Variants in PAN2 observed in about 807,000 individuals in gnomAD.
The protein encoded by PAN2 is PAN2-PAN3 deadenylation complex catalytic subunit PAN2.
PAN2 carries 68 observed loss-of-function variants against 133.3 expected under a neutral mutation model. The ratio of observed to expected loss-of-function variants is 0.51; its 90% confidence interval spans 0.42 to 0.62. The LOEUF (loss-of-function observed/expected upper bound fraction) is 0.62, where lower values mean the gene tolerates loss of function less well. Among genes scored for constraint, PAN2 ranks in the 20% least tolerant of loss-of-function variants. The pLI, the probability that PAN2 is intolerant of heterozygous loss-of-function variation, is 0.00. For synonymous variants in PAN2, 462 were observed against 544.6 expected, an observed-to-expected ratio of 0.85 and a Z score of 2.11; for missense variants, 1,042 against 1,500.5, an observed-to-expected ratio of 0.69 and a Z score of 5.05.
At chr12:56,325,227 G>A (rs1874981377) in intron 9 of PAN2, 99 bp from the exon 10 acceptor site, 1 of 1,579,672 alleles carries the variant, frequency 6.3e-7, no homozygotes, top group Non-Finnish European at 8.6e-7. Context: ...CCTGGGTCCA[G>A]GGTGGTAGTT....
In PAN2 at chr12:56,317,470, A is replaced by T. The variant is rs768215794; in HGVS notation, c.*139T>A. ...TCTGCTGTGTTCCAGTTCAATTAAT[A>T]GCACCATCTGTGACCCTAGACCCTG... On this transcript the variant is annotated 3_prime_UTR_variant, in exon 26 of 26. Coordinates refer to ENST00000440411, the MANE Select transcript of PAN2 (RefSeq NM_014871.6). The T allele has an allele frequency of 1.4e-6, 1 of 694,712 alleles. No individual in the cohort carries two copies. The highest frequency in any genetic ancestry group is 2.6e-6 in the Non-Finnish European group (1 of 385,688). 43.0% of individuals were successfully genotyped at this position (694,712 alleles called of 1,614,324 possible).
At position 56,322,670 on chromosome 12, in the gene PAN2, C is replaced by A; in HGVS notation, c.2582G>T (p.Gly861Val). 5 of 1,614,208 alleles carry A rather than the reference C, an allele frequency of 3.1e-6. No individual in the cohort carries two copies. The highest frequency in any genetic ancestry group is 4.2e-6 in the Non-Finnish European group (5 of 1,180,054). ...TTTGATGTGAGCCACCAGGCTGCCC[C>A]CTGTGCGTGAGTCCAGGATGTGTAC... ...TVVHILDSRT[G>V]GSLVAHIKVG... Residue 861 changes from glycine to valine, a missense_variant, in exon 18 of 26, where the codon GGG (glycine) becomes GTG (valine). By Grantham distance (109) the Gly-to-Val change is moderately radical (BLOSUM62 -3). Transcript: ENST00000440411.
chr12:56,321,933 G>A, intron 20 of PAN2, 145 bp downstream of exon 20: 2 of 537,022 alleles, frequency 3.7e-6, no homozygotes, highest in Non-Finnish European at 6.8e-6. Flanking sequence ...TAAATTTAAG[G>A]TCTGATGAGC....
In PAN2 at chr12:56,324,056, G is replaced by C. The variant is rs1409342281; in HGVS notation, c.2058C>G (p.Tyr686Ter). Residue 686 changes from tyrosine to a stop codon, truncating the protein, a stop_gained, in exon 13 of 26, where the codon TAC becomes TAG. Coordinates refer to ENST00000440411, the MANE Select transcript of PAN2 (RefSeq NM_014871.6). LOFTEE classifies it high-confidence loss of function. ...GTATACCACTTTTGCTACCATCAGGGTAGGAGAGTGTGAAAAGCAGAGTGG... is the reference window on the plus strand; with the variant it reads ...GTATACCACTTTTGCTACCATCAGGCTAGGAGAGTGTGAAAAGCAGAGTGG... ...ASSTLLFTLS[Y>*]PDDKTGKNYD... The C allele has an allele frequency of 2.5e-6, 4 of 1,614,240 alleles. No individual in the cohort carries two copies. Among genetic ancestry groups the C allele is most frequent in the Non-Finnish European group, 3.4e-6 (4 of 1,180,040 alleles).
Position 56,319,277 on chromosome 12 carries a change from C to A in PAN2, c.3270+31G>T. 6.2e-7 allele frequency: 1 copy of A among 1,611,542 alleles called. No homozygotes were observed. The highest frequency in any genetic ancestry group is 8.5e-7 in the Non-Finnish European group (1 of 1,178,560). ...GTATACCCTGAGGGGCCCACTCTCA[C>A]AAGAAGACTCTTAAAAGAGCCCTGC... On this transcript the variant is annotated intron_variant, in intron 23 of 25. Transcript: ENST00000440411. The surrounding 1 kb of genome is among the most constrained non-coding windows in gnomAD (Gnocchi z 5.4).
At position 56,323,412 on chromosome 12, in the gene PAN2, C is replaced by T. The variant is rs540927852; in HGVS notation, c.2272-28G>A. 11 of 1,611,286 alleles carry T rather than the reference C, an allele frequency of 6.8e-6. No homozygotes were observed. In the South Asian group the frequency reaches 1.1e-4, roughly 16 times the overall value. On this transcript the variant is annotated intron_variant, in intron 15 of 25. Transcript: ENST00000440411. ...GAACACAGAAGAAAAACATCCAGTT[C>T]TTCAGGAATGTAATCATATATGGAG...
Position 56,325,374 on chromosome 12 carries a change from C to T in PAN2, c.1440G>A (p.Glu480=), listed in dbSNP as rs1167482712. ...QVTESPVGRE[E]EPHLHMVSKK... The stretch of plus-strand genomic sequence containing the variant: ...TAGAAACCATGTGGAGATGTGGTTC[C>T]TCTTCTCGTCCTACTGGTGACTCAG... Residue 480 remains glutamate, a synonymous_variant, in exon 9 of 26, where the codon GAG becomes GAA. Transcript: ENST00000440411. 5.0e-6 allele frequency: 8 copies of T among 1,614,086 alleles called. No individual in the cohort carries two copies. Among genetic ancestry groups the T allele is most frequent in the Non-Finnish European group, 6.8e-6 (8 of 1,180,028 alleles).
At position 56,325,376 on chromosome 12, in the gene PAN2, C is replaced by T. The variant is rs764602094; in HGVS notation, c.1438G>A (p.Glu480Lys). 12 of 1,614,112 alleles carry T rather than the reference C, an allele frequency of 7.4e-6. No homozygotes were observed. The highest frequency in any genetic ancestry group is 5.3e-5 in the African/African-American group (4 of 74,934). The change falls in exon 9 of 26, where the codon GAG (glutamate) becomes AAG (lysine). Residue 480 changes from glutamate (E) to lysine (K), a missense_variant. Physicochemically the swap from Glu to Lys is moderately conservative, Grantham distance 56 (BLOSUM62 1). This residue lies in a region of PAN2 where 908 missense variants were observed against 1,223.5 expected (regional missense o/e 0.74). Transcript: ENST00000440411. ...QVTESPVGRE[E>K]EPHLHMVSKK... Reference sequence around the variant, plus strand: ...GAAACCATGTGGAGATGTGGTTCCTCTTCTCGTCCTACTGGTGACTCAGTG... The same window carrying T: ...GAAACCATGTGGAGATGTGGTTCCTTTTCTCGTCCTACTGGTGACTCAGTG...
chr12:56,329,484 C>G (rs535716383), intron 2 of PAN2, among the ~76,000 whole-genome samples: 2 of 152,148 alleles, frequency 1.3e-5, no homozygotes, highest in Non-Finnish European at 2.9e-5. Flanking sequence ...CATGCACCAC[C>G]ACACCTAGCT....
chr12:56,326,432 G>T (rs1282358009), intron 7 of PAN2, 23 bp from the exon 8 acceptor site: 1 of 1,563,092 alleles, frequency 6.4e-7, no homozygotes, highest in African/African-American at 1.4e-5. Flanking sequence ...ATAGTTCTAG[G>T]ACTTAAAGAG....
chr12:56,318,482 A>G (rs1874147462), intron 24 of PAN2, 48 bp from the exon 25 acceptor site: 1 of 1,471,244 alleles, frequency 6.8e-7, no homozygotes, highest in African/African-American at 1.4e-5. Flanking sequence ...AAAGGGAGGT[A>G]GGAACATGTC....
At chr12:56,332,057 A>G (rs1875940611) in intron 2 of PAN2, among the ~76,000 whole-genome samples, 1 of 152,178 alleles carries the variant, frequency 6.6e-6, no homozygotes, top group South Asian at 2.1e-4. Context: ...ACCATAGCAT[A>G]TTGGCAATAC....
chr12:56,316,957 T>G lies in PAN2; in HGVS notation c.*652A>C, dbSNP rs555477337. 3.9e-5 allele frequency: 6 copies of G among 152,316 alleles called. No individual in the cohort carries two copies. The highest frequency in any genetic ancestry group is 3.9e-4 in the Admixed American group (6 of 15,280). The allele number at this position is 152,316 out of a possible 1,614,324, so 9.4% of individuals were successfully genotyped here. A position where few individuals can be genotyped will look rare whatever the true frequency, so the allele number is the denominator to read the frequency against. On this transcript the variant is annotated 3_prime_UTR_variant, in exon 26 of 26. Transcript: ENST00000440411. ...CTAATGAGATAAATAACAAACGATATTTTATTTTTATTTTATAAAACATGC... is the reference window on the plus strand; with the variant it reads ...CTAATGAGATAAATAACAAACGATAGTTTATTTTTATTTTATAAAACATGC...
Position 56,331,767 on chromosome 12 carries a change from G to A in PAN2, c.282+1046C>T, listed in dbSNP as rs1417102047. 4.6e-5 allele frequency among the ~76,000 whole-genome samples: 7 copies of A among 150,818 alleles called. No homozygotes were observed. The East Asian group carries it at 1.4e-3, about 30-fold the overall frequency. ...CTCGCTCTGTCACCCAGGCTGGAGT[G>A]CAGTGGCGTGATCTCGGCTCACTGC... On this transcript the variant is annotated intron_variant, in intron 2 of 25. Coordinates refer to ENST00000440411, the MANE Select transcript of PAN2 (RefSeq NM_014871.6).
rs1408218059 is a variant in PAN2, at chr12:56,324,710, C to G, written c.1600-1G>C. ...GTACAGGCTCCAGGAAATAGAGCACCTGGAGGGAAAAGCAGAAGAACTGAT... is the reference window on the plus strand; with the variant it reads ...GTACAGGCTCCAGGAAATAGAGCACGTGGAGGGAAAAGCAGAAGAACTGAT... On this transcript the variant is annotated splice_acceptor_variant, in intron 10 of 25. Coordinates refer to ENST00000440411, the MANE Select transcript of PAN2 (RefSeq NM_014871.6). LOFTEE classifies it high-confidence loss of function. 2 of 1,611,306 alleles carry G rather than the reference C, an allele frequency of 1.2e-6. No individual in the cohort carries two copies. The highest frequency in any genetic ancestry group is 2.7e-5 in the African/African-American group (2 of 74,680).
In PAN2 at chr12:56,328,242, T is replaced by C; in HGVS notation, c.569A>G (p.Gln190Arg). 1 of 1,590,374 alleles carries C rather than the reference T, an allele frequency of 6.3e-7. No individual in the cohort carries two copies. The highest frequency in any genetic ancestry group is 8.6e-7 in the Non-Finnish European group (1 of 1,166,850). ...EIDLNTVQET[Q>R]KYAVETPGVT... is the part of the protein sequence containing the mutation. ...TTTCTTGCCCCAAGCTTGTACCTTC[T>C]GAGTCTCCTGGACAGTGTTAAGATC... The change falls in exon 4 of 26, where the codon CAG (glutamine) becomes CGG (arginine). Residue 190 changes from glutamine to arginine, a missense_variant. Transcript: ENST00000440411.
chr12:56,324,242 C>G, intron 12 of PAN2, 52 bp downstream of exon 12: 1 of 1,610,960 alleles, frequency 6.2e-7, no homozygotes, highest in East Asian at 2.2e-5. Context: ...CCTTTTAAAT[C>G]ACAGAGGGGC....
Position 56,319,826 on chromosome 12 carries a change from GT to G in PAN2, c.2946+37del, listed in dbSNP as rs762314652. ...GCTTACAACTCCTAATATCCTCAGC[GT>G]TCTCTTCCAATGCCCCATCCCTTTG... On this transcript the variant is annotated intron_variant, in intron 21 of 25. Coordinates refer to ENST00000440411, the MANE Select transcript of PAN2 (RefSeq NM_014871.6). The surrounding 1 kb of genome is among the most constrained non-coding windows in gnomAD (Gnocchi z 5.4). The G allele has an allele frequency of 1.5e-5, 25 of 1,613,694 alleles. No homozygotes were observed. In the South Asian group the frequency reaches 2.7e-4, roughly 18 times the overall value.
chr12:56,329,546 G>C (rs1444185034), intron 2 of PAN2, among the ~76,000 whole-genome samples: 1 of 151,728 alleles, frequency 6.6e-6, no homozygotes, highest in Non-Finnish European at 1.5e-5. Context: ...GGCCAGGCTG[G>C]TTTCGAACTC....
Sources: allele counts gnomAD v4.1 joint callset (sites outside exome capture counted in the v4.1 genomes callset), GRCh38; gene constraint gnomAD v4.1.1; regional missense constraint gnomAD v4.1.1; non-coding constraint Gnocchi (gnomAD v3.1); transcripts MANE v1.5; gene names NCBI Gene and HGNC (gene_info 2026-07-23, HGNC 2026-07-21).